THBS2: variants seen among roughly 807,000 people sequenced by gnomAD.
The protein encoded by THBS2 is thrombospondin-2.
A neutral mutation model predicts 135.2 loss-of-function variants in THBS2; 47 were observed. That is an observed-to-expected ratio of 0.35 (90% CI 0.28 to 0.44). The LOEUF (loss-of-function observed/expected upper bound fraction) is 0.44. Among genes scored for constraint, THBS2 ranks in the 20% least tolerant of loss-of-function variants. The pLI, the probability that THBS2 is intolerant of heterozygous loss-of-function variation, is 1.00. For missense variants in THBS2, 1,288 were observed against 1,603.1 expected (o/e 0.80, Z 3.36); for synonymous variants, 639 against 633.8 (o/e 1.01, Z -0.12).
At chr6:169,243,005 CTTCCCACA>C (rs1780405181) in intron 4 of THBS2, among the ~76,000 whole-genome samples, 27 of 107,304 alleles carry the variant, frequency 2.5e-4, no homozygotes, top group South Asian at 3.6e-4. Flanking sequence ...ACCTTCCCAC[CTTCCCACA>C]TTCCCACCTT....
chr6:169,239,454 C>T, intron 7 of THBS2, 145 bp downstream of exon 7: 1 of 702,234 alleles, frequency 1.4e-6, no homozygotes, highest in Non-Finnish European at 2.4e-6. Context: ...TGACCAGTGG[C>T]CTGGGGTGGC....
In THBS2 at chr6:169,250,736, G is replaced by A; in HGVS notation, c.49C>T (p.Gln17Ter). 1 of 1,613,408 alleles carries A rather than the reference G, an allele frequency of 6.2e-7. No individual in the cohort carries two copies. The highest frequency in any genetic ancestry group is 8.5e-7 in the Non-Finnish European group (1 of 1,179,732). ...LLALWVWPST[Q>*]AGHQDKDTTF... The stretch of plus-strand genomic sequence containing the variant: ...CACAGGCTCTGAGGACACTCACCTT[G>A]CGTGCTGGGCCACACCCACAGAGCC... The change falls in exon 2 of 22, where the codon CAA becomes TAA. Residue 17 changes from glutamine to a stop codon, truncating the protein, a stop_gained. Transcript: ENST00000617924. LOFTEE classifies it high-confidence loss of function.
intron 15 of THBS2, among the ~76,000 whole-genome samples, chr6:169,227,252 G>T (rs6914839): frequency 3.9e-5 from 6 of 151,934 alleles, no homozygotes; most frequent in Non-Finnish European, 8.8e-5. Context: ...CCAGCGTGGA[G>T]GCGAGCCTGC....
chr6:169,240,632 A>G (rs1229290815), intron 5 of THBS2, 40 bp from the exon 6 acceptor site: 2 of 1,601,298 alleles, frequency 1.2e-6, no homozygotes, highest in South Asian at 1.1e-5. Flanking sequence ...AGACAATAAT[A>G]CTACATATTT....
In THBS2 at chr6:169,250,769, C is replaced by G. The variant is rs1562366535; in HGVS notation, c.16G>C (p.Val6Leu). The G allele has an allele frequency of 6.2e-7, 1 of 1,613,670 alleles. No individual in the cohort carries two copies. The highest frequency in any genetic ancestry group is 8.5e-7 in the Non-Finnish European group (1 of 1,179,844). Residue 6 changes from valine (V) to leucine (L), a missense_variant, in exon 2 of 22, where the codon GTC becomes CTC. Around this residue, in one of 2 missense-constraint regions of THBS2, gnomAD observed 414 missense variants for 447.0 expected, o/e 0.93. Coordinates refer to ENST00000617924, the MANE Select transcript of THBS2 (RefSeq NM_003247.5). The stretch of plus-strand genomic sequence containing the variant: ...GGCCACACCCACAGAGCCAGCAGGA[C>G]CAGCCTCCAGACCATCCTGCCTCCT... MVWRL[V>L]LLALWVWPST...
rs200242239 is a variant in THBS2, at chr6:169,223,261, G to C, written c.2988C>G (p.Pro996=). 3.1e-6 allele frequency: 5 copies of C among 1,613,444 alleles called. No homozygotes were observed. Among genetic ancestry groups the C allele is most frequent in the Non-Finnish European group, 1.7e-6 (2 of 1,179,548 alleles). ...TCAGAGACTCACCTACAGCGATGCCGGGGTCCGAGTTGGCTGTCTGAACCA... is the reference window on the plus strand; with the variant it reads ...TCAGAGACTCACCTACAGCGATGCCCGGGTCCGAGTTGGCTGTCTGAACCA... ...KELVQTANSD[P]GIAVGFDEFG... is the part of the protein sequence containing the mutation. The change falls in exon 18 of 22, where the codon CCC becomes CCG. Residue 996 remains proline, a synonymous_variant. Transcript: ENST00000617924.
chr6:169,223,159 C>A, intron 18 of THBS2, 89 bp downstream of exon 18: 1 of 1,242,070 alleles, frequency 8.1e-7, no homozygotes, highest in Non-Finnish European at 1.1e-6. Flanking sequence ...TGGCATCCCA[C>A]CTGCATGATC....
At chr6:169,251,105 C>T (rs1182138085) in intron 1 of THBS2, among the ~76,000 whole-genome samples, 1 of 152,136 alleles carries the variant, frequency 6.6e-6, no homozygotes, top group Non-Finnish European at 1.5e-5. Context: ...TCTAATTGTC[C>T]TCATTTTACA....
chr6:169,241,701 T>C lies in THBS2; in HGVS notation c.891+61A>G. Reference sequence around the variant, plus strand: ...CAGGGAATGTTGATACCTGCTGAGATGGGCCAGCGGCGGAGCTGCCCATGC... The same window carrying C: ...CAGGGAATGTTGATACCTGCTGAGACGGGCCAGCGGCGGAGCTGCCCATGC... On this transcript the variant is annotated intron_variant, in intron 5 of 21. Transcript: ENST00000617924. The surrounding 1 kb of genome is among the most constrained non-coding windows in gnomAD (Gnocchi z 5.5). 1.3e-6 allele frequency: 2 copies of C among 1,504,806 alleles called. No homozygotes were observed. Among genetic ancestry groups the C allele is most frequent in the South Asian group, 1.2e-5 (1 of 80,052 alleles). The allele number at this position is 1,504,806 out of a possible 1,614,324, so 93.2% of individuals were successfully genotyped here. A position where few individuals can be genotyped will look rare whatever the true frequency, so the allele number is the denominator to read the frequency against.
Position 169,232,738 on chromosome 6 carries a change from G to A in THBS2, c.1858C>T (p.Leu620=), listed in dbSNP as rs184031307. ...CCTCTGTATCGGGGCGGGCAGGGCAGGCAGTGGAAGCCAGGCTGAGTGTTG... is the reference window on the plus strand; with the variant it reads ...CCTCTGTATCGGGGCGGGCAGGGCAAGCAGTGGAAGCCAGGCTGAGTGTTG... The part of the protein sequence containing the change: ...CVNTQPGFHC[L]PCPPRYRGNQ... The change falls in exon 12 of 22, where the codon CTG becomes TTG. Residue 620 remains leucine (L), a synonymous_variant. Transcript: ENST00000617924. The A allele has an allele frequency of 1.2e-5, 20 of 1,614,026 alleles. No individual in the cohort carries two copies. The highest frequency in any genetic ancestry group is 1.7e-5 in the Non-Finnish European group (20 of 1,179,956).
At chr6:169,237,379 G>A (rs1780136261) in intron 8 of THBS2, 33 bp from the exon 9 acceptor site, 1 of 1,611,290 alleles carries the variant, frequency 6.2e-7, no homozygotes, top group South Asian at 1.1e-5. Flanking sequence ...ATCAGGCTGT[G>A]CCGCCTAGAG....
Position 169,241,756 on chromosome 6 carries a change from AC to A in THBS2, c.891+5del. 6.3e-7 allele frequency: 1 copy of A among 1,599,204 alleles called. No individual in the cohort carries two copies. The highest frequency in any genetic ancestry group is 8.6e-7 in the Non-Finnish European group (1 of 1,169,358). ...TGACCCCCGCGGCCCCTGCGTGAGT[AC>A]CCACCACTCTCTTGAGGTTCTCGCT... On this transcript the variant is annotated splice_donor_5th_base_variant and intron_variant, in intron 5 of 21. Coordinates refer to ENST00000617924, the MANE Select transcript of THBS2 (RefSeq NM_003247.5). The surrounding 1 kb of genome is among the most constrained non-coding windows in gnomAD (Gnocchi z 5.5).
rs1779187271 is a variant in THBS2, at chr6:169,216,801, G to A, written c.*1021C>T. ...AAATAAGTTACTGGTAAATGGAGTT[G>A]CATTCTATAGTCACTTAATAAATAT... On this transcript the variant is annotated 3_prime_UTR_variant, in exon 22 of 22. Transcript: ENST00000617924. 1 of 152,202 alleles carries A rather than the reference G, an allele frequency of 6.6e-6. No individual in the cohort carries two copies. The highest frequency in any genetic ancestry group is 2.4e-5 in the African/African-American group (1 of 41,444). 9.4% of individuals were successfully genotyped at this position (152,202 alleles called of 1,614,324 possible). A position where few individuals can be genotyped will look rare whatever the true frequency, so the allele number is the denominator to read the frequency against.
At chr6:169,247,245 GT>G (rs1780581708) in intron 3 of THBS2, among the ~76,000 whole-genome samples, 1 of 152,206 alleles carries the variant, frequency 6.6e-6, no homozygotes, top group Non-Finnish European at 1.5e-5. Flanking sequence ...CGTGCGTTGT[GT>G]GTGTGTGCGC....
chr6:169,226,392 G>A, intron 15 of THBS2, 94 bp from the exon 16 acceptor site: 1 of 858,690 alleles, frequency 1.2e-6, no homozygotes, highest in East Asian at 2.5e-5. Context: ...ACACGAAATT[G>A]CTTACAGCCA....
Position 169,241,946 on chromosome 6 carries a change from G to T in THBS2, c.707C>A (p.Ala236Asp), listed in dbSNP as rs368747793. 1.1e-5 allele frequency: 17 copies of T among 1,609,428 alleles called. No homozygotes were observed. The East Asian group carries it at 1.6e-4, about 15-fold the overall frequency. The change falls in exon 5 of 22, where the codon GCC becomes GAC. Residue 236 changes from alanine to aspartate, a missense_variant. Ala to Asp is a moderately radical substitution (Grantham distance 126). Coordinates refer to ENST00000617924, the MANE Select transcript of THBS2 (RefSeq NM_003247.5). The surrounding 1 kb of genome is among the most constrained non-coding windows in gnomAD (Gnocchi z 5.5). ...CQQGQGAEIN[A>D]ISENTETLRL... ...CAGCGTCTCTGTGTTCTCACTGATGGCGTTGATCTCAGCTGAGGGCAAGCG... is the reference window on the plus strand; with the variant it reads ...CAGCGTCTCTGTGTTCTCACTGATGTCGTTGATCTCAGCTGAGGGCAAGCG...
chr6:169,216,743 A>C lies in THBS2; in HGVS notation c.*1079T>G, dbSNP rs1289836681. 6.6e-6 allele frequency: 1 copy of C among 152,214 alleles called. No homozygotes were observed. The highest frequency in any genetic ancestry group is 2.4e-5 in the African/African-American group (1 of 41,444). The allele number at this position is 152,214 out of a possible 1,614,324, so 9.4% of individuals were successfully genotyped here. A position where few individuals can be genotyped will look rare whatever the true frequency, so the allele number is the denominator to read the frequency against. ...ACTTATTAGATGTTTGTTTCTAGAAATTATACTACATATGTGTTACTAGGC... is the reference window on the plus strand; with the variant it reads ...ACTTATTAGATGTTTGTTTCTAGAACTTATACTACATATGTGTTACTAGGC... On this transcript the variant is annotated 3_prime_UTR_variant, in exon 22 of 22. Coordinates refer to ENST00000617924, the MANE Select transcript of THBS2 (RefSeq NM_003247.5).
chr6:169,219,430 A>G (rs895809169), intron 21 of THBS2, among the ~76,000 whole-genome samples: 3 of 151,980 alleles, frequency 2.0e-5, no homozygotes, highest in Non-Finnish European at 4.4e-5. Flanking sequence ...GGGTGGGTGG[A>G]TGAATGATAT....
intron 15 of THBS2, among the ~76,000 whole-genome samples, chr6:169,226,552 G>A (rs1779637975): frequency 6.6e-6 from 1 of 152,196 alleles, no homozygotes; most frequent in Admixed American, 6.5e-5. Flanking sequence ...TCTGGGTAAT[G>A]TTGCAGGAGG....
Sources: gnomAD v4.1 joint callset for allele counts (sites outside exome capture counted in the v4.1 genomes callset) on GRCh38, gnomAD v4.1.1 for gene constraint, gnomAD v4.1.1 regional missense constraint, Gnocchi (gnomAD v3.1) non-coding constraint, MANE v1.5 for transcripts, NCBI Gene and HGNC (gene_info 2026-07-23, HGNC 2026-07-21) for gene names.